Variants in MED13L observed in about 807,000 individuals in gnomAD.
The protein encoded by MED13L is mediator of RNA polymerase II transcription subunit 13-like.
A neutral mutation model predicts 220.9 loss-of-function variants in MED13L; 7 were observed. That is an observed-to-expected ratio of 0.03 (90% CI 0.02 to 0.06). MED13L has a LOEUF of 0.06. MED13L is among the 10% of genes least tolerant of loss of function. The pLI, the probability that MED13L is intolerant of heterozygous loss-of-function variation, is 1.00. For missense variants in MED13L, 1,965 were observed against 2,760.5 expected (o/e 0.71, Z 6.46); for synonymous variants, 1,011 against 1,015.2 (o/e 1.00, Z 0.08).
intron 14 of MED13L, among the ~76,000 whole-genome samples, chr12:115,998,426 C>A (rs1878537443): frequency 6.6e-6 from 1 of 152,208 alleles, no homozygotes; most frequent in South Asian, 2.1e-4. Flanking sequence ...GAAATTAACA[C>A]TGGGCAACTG....
intron 4 of MED13L, among the ~76,000 whole-genome samples, chr12:116,089,691 T>C (rs1250301015): frequency 9.2e-5 from 14 of 152,164 alleles, no homozygotes; most frequent in Admixed American, 9.2e-4. Flanking sequence ...TCTCATTTTG[T>C]AAATAAATAC....
At chr12:116,219,789 TTTTTG>T (rs925699200) in intron 2 of MED13L, among the ~76,000 whole-genome samples, 3 of 152,048 alleles carry the variant, frequency 2.0e-5, no homozygotes, top group African/African-American at 4.8e-5. Context: ...ACTGCCAGTT[TTTTTG>T]TTTTATTTTG....
intron 4 of MED13L, among the ~76,000 whole-genome samples, chr12:116,029,205 G>T (rs377485087): frequency 3.1e-4 from 46 of 148,842 alleles, no homozygotes; most frequent in Middle Eastern, 6.9e-3. Context: ...GGGAGTTGGG[G>T]TCTATTCTAA....
intron 4 of MED13L, among the ~76,000 whole-genome samples, chr12:116,094,094 A>G (rs1872469224): frequency 6.6e-6 from 1 of 152,210 alleles, no homozygotes; most frequent in Non-Finnish European, 1.5e-5. Context: ...CCTTCACAGC[A>G]TGACTGTCCA....
At position 116,277,542 on chromosome 12, in the gene MED13L, G is replaced by T. The variant is rs1873985696; in HGVS notation, c.-411C>A. On this transcript the variant is annotated 5_prime_UTR_variant, in exon 1 of 31. Coordinates refer to ENST00000281928, the MANE Select transcript of MED13L (RefSeq NM_015335.5). ...CGGAGCCGCCGCCGCCGCGGAGCGC[G>T]AACTCGCGAAGGGGGGGGTGCGGAC... is the stretch of plus-strand genomic sequence containing the variant. Among the ~76,000 whole-genome samples, 1 of 149,328 alleles carries T rather than the reference G, an allele frequency of 6.7e-6. No individual in the cohort carries two copies. The highest frequency in any genetic ancestry group is 2.1e-4 in the South Asian group (1 of 4,824).
Position 116,007,445 on chromosome 12 carries a change from T to C in MED13L, c.2204A>G (p.Gln735Arg). The stretch of plus-strand genomic sequence containing the variant: ...TTTCAGGGAATCTTTCTCCGTCCCT[T>C]GTTTGCATTTCTTGTTGGCTGTAAA... ...YIFTANKKCK[Q>R]GTEKDSLKKN... is the part of the protein sequence containing the mutation. The change falls in exon 11 of 31, where the codon CAA becomes CGA. Residue 735 changes from glutamine to arginine, a missense_variant. Physicochemically the swap from Gln to Arg is conservative, Grantham distance 43. This residue lies in a region of MED13L where 818 missense variants were observed against 1,041.2 expected (regional missense o/e 0.79). Coordinates refer to ENST00000281928, the MANE Select transcript of MED13L (RefSeq NM_015335.5). The C allele has an allele frequency of 6.2e-7, 1 of 1,613,804 alleles. No homozygotes were observed. Among genetic ancestry groups the C allele is most frequent in the Admixed American group, 1.7e-5 (1 of 60,016 alleles).
intron 2 of MED13L, among the ~76,000 whole-genome samples, chr12:116,125,272 C>T (rs901212893): frequency 2.6e-5 from 4 of 152,182 alleles, no homozygotes; most frequent in Non-Finnish European, 5.9e-5. Context: ...AAATTCAAGG[C>T]CAGCCTGGGC....
chr12:116,090,113 C>T (rs1274987982), intron 4 of MED13L, among the ~76,000 whole-genome samples: 1 of 152,156 alleles, frequency 6.6e-6, no homozygotes, highest in East Asian at 1.9e-4. Flanking sequence ...GTAAACTGAA[C>T]AGTACTTCCC....
intron 2 of MED13L, among the ~76,000 whole-genome samples, chr12:116,154,480 T>C (rs983450786): frequency 7.9e-5 from 12 of 152,220 alleles, no homozygotes; most frequent in African/African-American, 2.9e-4. Context: ...CTCTACTTTT[T>C]TAAAGAAATA....
At chr12:116,010,969 C>G (rs564631412) in intron 9 of MED13L, among the ~76,000 whole-genome samples, 5 of 151,646 alleles carry the variant, frequency 3.3e-5, no homozygotes, top group Non-Finnish European at 7.4e-5. Context: ...CTCCGCCTCC[C>G]GGGTTCAAGC....
At chr12:116,234,294 C>G (rs899402935) in intron 2 of MED13L, among the ~76,000 whole-genome samples, 72 of 152,002 alleles carry the variant, frequency 4.7e-4, no homozygotes, top group African/African-American at 1.7e-3. Flanking sequence ...GTGGCGTGAT[C>G]TCAGCCCACT....
At chr12:116,198,810 ACACTGAAT>A (rs1191749969) in intron 2 of MED13L, among the ~76,000 whole-genome samples, 1 of 152,208 alleles carries the variant, frequency 6.6e-6, no homozygotes, top group Non-Finnish European at 1.5e-5. Flanking sequence ...AATAATAATA[ACACTGAAT>A]GGACACTCTT....
rs1476581260 is a variant in MED13L, at chr12:116,012,908, G to A, written c.1176-7C>T. 4.4e-6 allele frequency: 7 copies of A among 1,602,384 alleles called. No individual in the cohort carries two copies. Among genetic ancestry groups the A allele is most frequent in the Non-Finnish European group, 6.0e-6 (7 of 1,169,502 alleles). ...AGTTGACATTTGGCTCCTCCTAAAA[G>A]GGTTAAAAATGTGACTTATGTGTGA... On this transcript the variant is annotated splice_polypyrimidine_tract_variant and splice_region_variant and intron_variant, in intron 8 of 30. Transcript: ENST00000281928.
intron 2 of MED13L, among the ~76,000 whole-genome samples, chr12:116,197,378 G>A (rs532067280): frequency 5.3e-5 from 8 of 152,178 alleles, no homozygotes; most frequent in South Asian, 4.2e-4. Flanking sequence ...GCTTTATCTC[G>A]TTGTCCATTC....
intron 27 of MED13L, 152 bp downstream of exon 27, chr12:115,970,442 G>A: frequency 1.4e-6 from 1 of 740,648 alleles, no homozygotes; most frequent in South Asian, 1.8e-5. Flanking sequence ...AAAGCTTTAA[G>A]ACCAAATAGA....
At chr12:116,191,897 T>G (rs1241427072) in intron 2 of MED13L, among the ~76,000 whole-genome samples, 3 of 152,024 alleles carry the variant, frequency 2.0e-5, no homozygotes, top group Non-Finnish European at 4.4e-5. Flanking sequence ...CAAATTATTT[T>G]CAAATCACCG....
intron 2 of MED13L, among the ~76,000 whole-genome samples, chr12:116,143,064 A>C (rs1340159996): frequency 2.0e-5 from 3 of 152,208 alleles, no homozygotes; most frequent in Admixed American, 6.5e-5. Flanking sequence ...TCTATAATCG[A>C]TGTTGACTGC....
chr12:116,211,422 CA>C (rs533209410), intron 2 of MED13L, among the ~76,000 whole-genome samples: 437 of 145,988 alleles, frequency 3.0e-3, no homozygotes, highest in Admixed American at 5.8e-3. Context: ...TTTTGCTGAC[CA>C]AAAAAAAAAT....
rs1463061147 is a variant in MED13L at position 116,073,423 on chromosome 12, TTA to T, written c.479+23244_479+23245del. Among the ~76,000 whole-genome samples, 3 of 152,220 alleles carry T rather than the reference TTA, an allele frequency of 2.0e-5. No homozygotes were observed. The East Asian group carries it at 5.8e-4, about 29-fold the overall frequency. ...TGCCACCATCCCAATGGACTCAATGTTATATTACTGGTCTTAGGTTACTATTC... is the reference window on the plus strand; with the variant it reads ...TGCCACCATCCCAATGGACTCAATGTTATTACTGGTCTTAGGTTACTATTC... On this transcript the variant is annotated intron_variant, in intron 4 of 30. Coordinates refer to ENST00000281928, the MANE Select transcript of MED13L (RefSeq NM_015335.5).
Sources: gnomAD v4.1 joint callset for allele counts (sites outside exome capture counted in the v4.1 genomes callset) on GRCh38, gnomAD v4.1.1 for gene constraint, gnomAD v4.1.1 regional missense constraint, MANE v1.5 for transcripts, NCBI Gene and HGNC (gene_info 2026-07-23, HGNC 2026-07-21) for gene names.